MAP3K2: variants seen among roughly 807,000 people sequenced by gnomAD.
MAP3K2 encodes the protein MAP/ERK kinase kinase 2.
Under a neutral mutation model 80.3 loss-of-function variants are expected in MAP3K2, and 24 were observed. The ratio of observed to expected loss-of-function variants is 0.30; its 90% CI spans 0.22 to 0.42. The LOEUF (loss-of-function observed/expected upper bound fraction) is 0.42. MAP3K2 is among the 10% of genes least tolerant of loss of function. The pLI is 1.00. For missense variants in MAP3K2, 608 were observed against 750.1 expected (o/e 0.81, Z 2.21); for synonymous variants, 244 against 253.7 (o/e 0.96, Z 0.36).
At chr2:127,378,105 G>T (rs936356638) in intron 1 of MAP3K2, 4 of 890,342 alleles carry the variant, frequency 4.5e-6, no homozygotes, top group Non-Finnish European at 5.4e-6. Flanking sequence ...AGCTTTACCA[G>T]AATGCAAAGA....
chr2:127,353,489 G>GC (rs1686738213), intron 1 of MAP3K2, among the ~76,000 whole-genome samples: 1 of 151,944 alleles, frequency 6.6e-6, no homozygotes, highest in Non-Finnish European at 1.5e-5. Context: ...GAAGTGAGGA[G>GC]CCCCTCCGCC....
chr2:127,346,608 T>C lies in MAP3K2; in HGVS notation c.-65-3414A>G, dbSNP rs1164587630. Among the ~76,000 whole-genome samples, 5 of 152,148 alleles carry C rather than the reference T, an allele frequency of 3.3e-5. No individual in the cohort carries two copies. In the East Asian group the frequency reaches 9.7e-4, roughly 29 times the overall value. On this transcript the variant is annotated intron_variant, in intron 1 of 16. Coordinates refer to ENST00000682094, the MANE Select transcript of MAP3K2 (RefSeq NM_001371910.2). ...ACATTAAAAAACAAATTATATACCA[T>C]GCACATTTGGGATATATCCAACAAA...
Position 127,304,575 on chromosome 2 carries a change from G to A in MAP3K2, c.*3004C>T, listed in dbSNP as rs1273882062. ...GTCAGCAGTCTGACCATTTTCCAGC[G>A]TCAGCAAAGAAGCATTACAGTATAG... is the stretch of plus-strand genomic sequence containing the variant. On this transcript the variant is annotated 3_prime_UTR_variant, in exon 17 of 17. Coordinates refer to ENST00000682094, the MANE Select transcript of MAP3K2 (RefSeq NM_001371910.2). The A allele has an allele frequency of 3.3e-5, 5 of 152,442 alleles. No homozygotes were observed. Among genetic ancestry groups the A allele is most frequent in the South Asian group, 2.1e-4 (1 of 4,826 alleles). 9.4% of individuals were successfully genotyped at this position (152,442 alleles called of 1,614,324 possible).
chr2:127,386,896 G>A (rs1426510438), intron 1 of MAP3K2, among the ~76,000 whole-genome samples: 3 of 152,082 alleles, frequency 2.0e-5, no homozygotes, highest in African/African-American at 4.8e-5. Context: ...CTACCTTCAT[G>A]ACCTTGGACA....
intron 1 of MAP3K2, among the ~76,000 whole-genome samples, chr2:127,376,492 G>A (rs950344316): frequency 4.6e-5 from 7 of 152,138 alleles, no homozygotes; most frequent in African/African-American, 7.2e-5. Context: ...CCCCTAGCCC[G>A]CTCTTTCACT....
chr2:127,365,115 TCAAAAAAAAAAAAAAAAA>T (rs1686948929), intron 1 of MAP3K2, among the ~76,000 whole-genome samples: 1 of 23,366 alleles, frequency 4.3e-5, no homozygotes. Flanking sequence ...AGACTCTGCC[TCAAAAAAAAAAAAAAAAA>T]AAAAAAAAAA....
At position 127,321,867 on chromosome 2, in the gene MAP3K2, AT is replaced by A. The variant is rs1267221031; in HGVS notation, c.1045+178del. 6.6e-6 allele frequency among the ~76,000 whole-genome samples: 1 copy of A among 152,214 alleles called. No homozygotes were observed. The highest frequency in any genetic ancestry group is 6.5e-5 in the Admixed American group (1 of 15,282). ...GTGAAGAACAGAATTATCTAAAGTA[AT>A]TAGCAGTGATACCATGCTTATACCT... On this transcript the variant is annotated intron_variant, in intron 12 of 16. Coordinates refer to ENST00000682094, the MANE Select transcript of MAP3K2 (RefSeq NM_001371910.2). This position sits in a 1 kb window ranked among gnomAD's most constrained non-coding sequence, Gnocchi z 4.4.
chr2:127,359,147 CT>C (rs1686844140), intron 1 of MAP3K2, among the ~76,000 whole-genome samples: 1 of 152,138 alleles, frequency 6.6e-6, no homozygotes, highest in Non-Finnish European at 1.5e-5. Context: ...AACACTGTAT[CT>C]GTCAAAACCC....
At chr2:127,361,397 T>C (rs576306628) in intron 1 of MAP3K2, among the ~76,000 whole-genome samples, 19 of 150,712 alleles carry the variant, frequency 1.3e-4, no homozygotes, top group Admixed American at 1.1e-3. Flanking sequence ...AGCAACAATA[T>C]AGAGCCTCCC....
At chr2:127,362,678 T>A (rs936232428) in intron 1 of MAP3K2, among the ~76,000 whole-genome samples, 11 of 152,104 alleles carry the variant, frequency 7.2e-5, no homozygotes, top group Admixed American at 5.2e-4. Flanking sequence ...AAAACATCAC[T>A]CAACTGTTTA....
intron 5 of MAP3K2, among the ~76,000 whole-genome samples, chr2:127,331,283 ACT>A (rs1278153623): frequency 1.3e-5 from 2 of 152,162 alleles, no homozygotes; most frequent in East Asian, 1.9e-4. Flanking sequence ...ACTTAAGAAG[ACT>A]CTGTCAATAA....
In MAP3K2 at chr2:127,387,484, G is replaced by A. The variant is rs369431547; in HGVS notation, c.-98C>T. On this transcript the variant is annotated 5_prime_UTR_variant, in exon 1 of 17. Transcript: ENST00000682094. ...TCCGCAGGGACGTAGAGAGCCGCAG[G>A]CCCAAGGAGGGGCCGCCCCCGCCGA... 1.4e-5 allele frequency: 14 copies of A among 985,044 alleles called. No homozygotes were observed. In the East Asian group the frequency reaches 9.1e-4, roughly 64 times the overall value. The allele number at this position is 985,044 out of a possible 1,614,324, so 61.0% of individuals were successfully genotyped here. A position where few individuals can be genotyped will look rare whatever the true frequency, so the allele number is the denominator to read the frequency against.
At chr2:127,352,165 C>G (rs1321774813) in intron 1 of MAP3K2, among the ~76,000 whole-genome samples, 1 of 152,074 alleles carries the variant, frequency 6.6e-6, no homozygotes, top group African/African-American at 2.4e-5. Flanking sequence ...CCGTGAGCCA[C>G]CATGCCTGGC....
intron 1 of MAP3K2, among the ~76,000 whole-genome samples, chr2:127,383,672 A>G (rs1687290457): frequency 6.6e-6 from 1 of 152,198 alleles, no homozygotes; most frequent in African/African-American, 2.4e-5. Context: ...AATTTAAGAA[A>G]TACAGCCAGG....
rs1418919828 is a variant in MAP3K2 at position 127,299,413 on chromosome 2, T to G, written c.*8166A>C. 6.6e-6 allele frequency: 1 copy of G among 152,208 alleles called. No homozygotes were observed. Among genetic ancestry groups the G allele is most frequent in the African/African-American group, 2.4e-5 (1 of 41,468 alleles). The allele number at this position is 152,208 out of a possible 1,614,324, so 9.4% of individuals were successfully genotyped here. A position where few individuals can be genotyped will look rare whatever the true frequency, so the allele number is the denominator to read the frequency against. The stretch of plus-strand genomic sequence containing the variant: ...ATTGTTTTATAAACCCAGTCTGACC[T>G]TGCCCAGTGATAGAAAAACTAAAAG... On this transcript the variant is annotated 3_prime_UTR_variant, in exon 17 of 17. Coordinates refer to ENST00000682094, the MANE Select transcript of MAP3K2 (RefSeq NM_001371910.2).
At chr2:127,354,652 A>G (rs1303513327) in intron 1 of MAP3K2, among the ~76,000 whole-genome samples, 43 of 152,120 alleles carry the variant, frequency 2.8e-4, no homozygotes, top group Admixed American at 2.6e-3. Context: ...ACTGCTTCCC[A>G]AAACATACAA....
In MAP3K2 at chr2:127,364,196, C is replaced by A. The variant is rs1057125476; in HGVS notation, c.-65-21002G>T. ...CTGCTCATCCCTTGAATACCCATCT[C>A]CCCTCTCTTTAGTAAATCTTACTAC... On this transcript the variant is annotated intron_variant, in intron 1 of 16. Transcript: ENST00000682094. The surrounding 1 kb of genome is among the most constrained non-coding windows in gnomAD (Gnocchi z 4.1). 1.3e-5 allele frequency among the ~76,000 whole-genome samples: 2 copies of A among 152,160 alleles called. No homozygotes were observed. Among genetic ancestry groups the A allele is most frequent in the African/African-American group, 4.8e-5 (2 of 41,422 alleles).
At chr2:127,349,221 C>A (rs1160349851) in intron 1 of MAP3K2, among the ~76,000 whole-genome samples, 5 of 151,974 alleles carry the variant, frequency 3.3e-5, no homozygotes, top group Admixed American at 3.3e-4. Context: ...AGTGCACTGG[C>A]ATGATCACTG....
At chr2:127,357,347 G>A (rs1463191554) in intron 1 of MAP3K2, among the ~76,000 whole-genome samples, 2 of 152,076 alleles carry the variant, frequency 1.3e-5, no homozygotes, top group Non-Finnish European at 2.9e-5. Flanking sequence ...TTATCAGCTG[G>A]GCATGGTGCC....
Sources: gnomAD v4.1 joint callset for allele counts (sites outside exome capture counted in the v4.1 genomes callset) on GRCh38, gnomAD v4.1.1 for gene constraint, Gnocchi (gnomAD v3.1) non-coding constraint, MANE v1.5 for transcripts, NCBI Gene and HGNC (gene_info 2026-07-23, HGNC 2026-07-21) for gene names.